The following SEPTIN11 variants were observed in gnomAD, a reference collection of about 807,000 sequenced individuals.
SEPTIN11 encodes the protein septin 11.
In SEPTIN11, 25 loss-of-function variants were observed where a neutral mutation model predicts 51.4. That is an observed-to-expected ratio of 0.49 (90% CI 0.35 to 0.68). SEPTIN11 has a LOEUF of 0.68. Among genes scored for constraint, SEPTIN11 ranks in the 30% least tolerant of loss-of-function variants. The probability of loss-of-function intolerance (pLI) is 0.00; values close to 1 mark genes in which losing one functional copy is unlikely to be tolerated. For missense variants in SEPTIN11, 381 were observed against 520.8 expected, an observed-to-expected ratio of 0.73 and a Z score of 2.61; for synonymous variants, 174 against 184.1, an observed-to-expected ratio of 0.95 and a Z score of 0.44.
intron 5 of SEPTIN11, among the ~76,000 whole-genome samples, chr4:77,016,344 G>C (rs913199321): frequency 2.6e-5 from 4 of 151,134 alleles, no homozygotes; most frequent in African/African-American, 4.9e-5. Context: ...TGGCTGTCAG[G>C]CTACACTCTC....
In SEPTIN11 at chr4:76,977,033, A is replaced by G. The variant is rs116485054; in HGVS notation, c.28-19392A>G. Among the ~76,000 whole-genome samples, 78 of 152,334 alleles carry G rather than the reference A, an allele frequency of 5.1e-4. 1 individual carries two copies. The highest frequency in any genetic ancestry group is 1.9e-3 in the African/African-American group (77 of 41,582). ...GATAAGCCCAGCTACACAATATAAC[A>G]TGGAATGAGGTAGAGAAAGAAGAGT... On this transcript the variant is annotated intron_variant, in intron 1 of 9. Coordinates refer to ENST00000264893, the MANE Select transcript of SEPTIN11 (RefSeq NM_018243.4).
At position 76,949,873 on chromosome 4, in the gene SEPTIN11, G is replaced by A. The variant is rs1286432770; in HGVS notation, c.-31G>A. ...CAGCCGGAGTCGGCGTAAAGCACCC[G>A]GGCGCAGCCGGAGCCGGTGCCGCAG... On this transcript the variant is annotated 5_prime_UTR_variant, in exon 1 of 10. Coordinates refer to ENST00000264893, the MANE Select transcript of SEPTIN11 (RefSeq NM_018243.4). 2.0e-6 allele frequency: 3 copies of A among 1,515,570 alleles called. No homozygotes were observed. The highest frequency in any genetic ancestry group is 1.8e-6 in the Non-Finnish European group (2 of 1,137,004). The allele number at this position is 1,515,570 out of a possible 1,614,324, so 93.9% of individuals were successfully genotyped here. A position where few individuals can be genotyped will look rare whatever the true frequency, so the allele number is the denominator to read the frequency against.
At chr4:76,989,131 T>C (rs1326087196) in intron 1 of SEPTIN11, among the ~76,000 whole-genome samples, 12 of 152,214 alleles carry the variant, frequency 7.9e-5, no homozygotes, top group Non-Finnish European at 1.6e-4. Context: ...TCTCCTCACT[T>C]TACAGAGGAG....
At chr4:76,959,112 T>G in intron 1 of SEPTIN11, 1 of 638,538 alleles carries the variant, frequency 1.6e-6, no homozygotes, top group East Asian at 3.4e-5. Context: ...ACAAGTTTAT[T>G]GCCTGCGGTG....
downstream of SEPTIN11, chr4:77,038,933 C>T (rs1727217392): frequency 2.0e-6 from 1 of 508,638 alleles, no homozygotes; most frequent in African/African-American, 2.0e-5. Context: ...TGCTCACCCT[C>T]CCGTCGAGCT....
At chr4:76,987,940 T>G (rs531281031) in intron 1 of SEPTIN11, 4 of 433,326 alleles carry the variant, frequency 9.2e-6, no homozygotes, top group African/African-American at 8.5e-5. Flanking sequence ...AGGAGTGTAC[T>G]GTACATGTCT....
chr4:76,999,026 T>C (rs1723929643), intron 2 of SEPTIN11, among the ~76,000 whole-genome samples: 1 of 152,142 alleles, frequency 6.6e-6, no homozygotes, highest in Admixed American at 6.5e-5. Flanking sequence ...GTTACATAGG[T>C]GCTTTCTTGT....
At chr4:77,005,567 C>T (rs1170554344) in intron 2 of SEPTIN11, 34 bp from the exon 3 acceptor site, 1 of 1,569,846 alleles carries the variant, frequency 6.4e-7, no homozygotes, top group South Asian at 1.1e-5. Flanking sequence ...GAGACATTGA[C>T]ACATTCTCTG....
chr4:76,950,020 C>A (rs13129390), intron 1 of SEPTIN11, 90 bp downstream of exon 1: 4 of 1,259,864 alleles, frequency 3.2e-6, no homozygotes, highest in African/African-American at 1.6e-5. Context: ...GGGAGCCGGG[C>A]GGGTGCTCGG....
chr4:77,038,809 A>G (rs907162507), downstream of SEPTIN11, among the ~76,000 whole-genome samples: 1 of 152,096 alleles, frequency 6.6e-6, no homozygotes, highest in African/African-American at 2.4e-5. Flanking sequence ...TACTTCACAT[A>G]TCATGTTATC....
intron 4 of SEPTIN11, 93 bp from the exon 5 acceptor site, chr4:77,014,763 G>T: frequency 1.5e-6 from 2 of 1,293,564 alleles, no homozygotes; most frequent in Middle Eastern, 2.1e-4. Flanking sequence ...TTACAGTAAG[G>T]TTTTGCAATT....
intron 1 of SEPTIN11, among the ~76,000 whole-genome samples, chr4:76,985,949 A>G (rs149854134): frequency 0.014 from 2,102 of 152,328 alleles, 24 homozygotes; most frequent in Non-Finnish European, 0.022. Context: ...ACCAGCTGGT[A>G]GTAGACTGGT....
intron 4 of SEPTIN11, among the ~76,000 whole-genome samples, chr4:77,012,664 GTGT>G (rs1250404673): frequency 2.0e-5 from 3 of 152,198 alleles, no homozygotes. Flanking sequence ...ACTCTGCTGG[GTGT>G]TGTTACTATG....
Position 77,037,028 on chromosome 4 carries a change from T to G in SEPTIN11, c.*2516T>G. On this transcript the variant is annotated 3_prime_UTR_variant, in exon 10 of 10. Transcript: ENST00000264893. The stretch of plus-strand genomic sequence containing the variant: ...TTATATTTTTTTCACAAGAACCACA[T>G]AATAAATTCCACTTCTTGACCTGAA... 2 of 1,227,238 alleles carry G rather than the reference T, an allele frequency of 1.6e-6. No individual in the cohort carries two copies. The highest frequency in any genetic ancestry group is 2.0e-6 in the Non-Finnish European group (2 of 986,704). 76.0% of individuals were successfully genotyped at this position (1,227,238 alleles called of 1,614,324 possible).
At chr4:77,007,023 A>G (rs1291717879) in intron 3 of SEPTIN11, among the ~76,000 whole-genome samples, 1 of 152,182 alleles carries the variant, frequency 6.6e-6, no homozygotes, top group Non-Finnish European at 1.5e-5. Flanking sequence ...AAAATGGACT[A>G]TCTGTACATT....
At chr4:77,031,189 A>C (rs1161016340) in intron 9 of SEPTIN11, 3 of 500,780 alleles carry the variant, frequency 6.0e-6, no homozygotes, top group East Asian at 8.0e-5. Flanking sequence ...TGACCAAGCA[A>C]TCAGGCCTGG....
At chr4:76,969,436 A>G (rs1291954400) in intron 1 of SEPTIN11, among the ~76,000 whole-genome samples, 1 of 152,194 alleles carries the variant, frequency 6.6e-6, no homozygotes, top group African/African-American at 2.4e-5. Flanking sequence ...GGAGATTACA[A>G]AAGGTACAAA....
chr4:77,005,873 A>G (rs182209719), intron 3 of SEPTIN11, 77 bp downstream of exon 3: 25 of 1,376,172 alleles, frequency 1.8e-5, no homozygotes, highest in African/African-American at 2.9e-5. Context: ...TTAAAGGCCA[A>G]ATGTTTTGGG....
At chr4:76,975,191 G>C (rs2109907345) in intron 1 of SEPTIN11, among the ~76,000 whole-genome samples, 1 of 151,532 alleles carries the variant, frequency 6.6e-6, no homozygotes, top group African/African-American at 2.4e-5. Flanking sequence ...AACACAGCTT[G>C]AGTTACTCTT....
Sources: gnomAD v4.1 joint callset for allele counts (sites outside exome capture counted in the v4.1 genomes callset) on GRCh38, gnomAD v4.1.1 for gene constraint, MANE v1.5 for transcripts, NCBI Gene and HGNC (gene_info 2026-07-23, HGNC 2026-07-21) for gene names.